Variants in EFHD2 observed in about 807,000 individuals in gnomAD.
EFHD2 encodes EF-hand domain-containing protein D2.
A neutral mutation model predicts 20.3 loss-of-function variants in EFHD2; 12 were observed. The ratio of observed to expected loss-of-function variants is 0.59; its 90% CI spans 0.38 to 0.96. The LOEUF (loss-of-function observed/expected upper bound fraction) is 0.96, where lower values mean the gene tolerates loss of function less well. EFHD2 is among the 40% of genes least tolerant of loss of function. The pLI is 0.00. For missense variants in EFHD2, 250 were observed against 334.3 expected (o/e 0.75, Z 1.97); for synonymous variants, 131 against 143.9 (o/e 0.91, Z 0.64).
chr1:15,418,410 A>C (rs1423898193), intron 1 of EFHD2, among the ~76,000 whole-genome samples: 26 of 139,448 alleles, frequency 1.9e-4, no homozygotes, highest in Non-Finnish European at 3.5e-4. Flanking sequence ...GGTTCACGCC[A>C]TTCTCCTGCC....
At chr1:15,411,481 T>A (rs535569621) in intron 1 of EFHD2, among the ~76,000 whole-genome samples, 40 of 152,276 alleles carry the variant, frequency 2.6e-4, no homozygotes, top group African/African-American at 9.1e-4. Flanking sequence ...GGGTCTAAGA[T>A]GCACAGCCAC....
Position 15,410,033 on chromosome 1 carries a change from G to A in EFHD2, c.62G>A (p.Gly21Asp). Residue 21 changes from glycine (G) to aspartate (D), a missense_variant, in exon 1 of 4, where the codon GGC becomes GAC. This residue lies in a region of EFHD2 where 143 missense variants were observed against 190.6 expected (regional missense o/e 0.75). Transcript: ENST00000375980. Reference protein sequence around the residue: ...SRRLQMEGEGGGETPEQPGLN... With the variant: ...SRRLQMEGEGDGETPEQPGLN... Reference sequence around the variant, plus strand: ...CGGCTGCAGATGGAGGGCGAGGGCGGCGGCGAGACCCCGGAGCAGCCCGGG... The same window carrying A: ...CGGCTGCAGATGGAGGGCGAGGGCGACGGCGAGACCCCGGAGCAGCCCGGG... The A allele has an allele frequency of 1.6e-6, 2 of 1,278,280 alleles. No homozygotes were observed. Among genetic ancestry groups the A allele is most frequent in the African/African-American group, 1.6e-5 (1 of 63,974 alleles). The allele number at this position is 1,278,280 out of a possible 1,614,324, so 79.2% of individuals were successfully genotyped here. A position where few individuals can be genotyped will look rare whatever the true frequency, so the allele number is the denominator to read the frequency against.
rs1707877613 is a variant in EFHD2 at position 15,426,769 on chromosome 1, C to T, written c.457-381C>T. Among the ~76,000 whole-genome samples the T allele has an allele frequency of 6.6e-6, 1 of 152,272 alleles. No individual in the cohort carries two copies. Among genetic ancestry groups the T allele is most frequent in the East Asian group, 1.9e-4 (1 of 5,176 alleles). ...GCGCTGAGACTTGGGGTGTCTTTTACTGTCATGGAGGCTCCCTCATTCTGT... is the reference window on the plus strand; with the variant it reads ...GCGCTGAGACTTGGGGTGTCTTTTATTGTCATGGAGGCTCCCTCATTCTGT... On this transcript the variant is annotated intron_variant, in intron 2 of 3. Transcript: ENST00000375980. The surrounding 1 kb of genome is among the most constrained non-coding windows in gnomAD (Gnocchi z 4.6).
chr1:15,414,588 A>G (rs1707618932), intron 1 of EFHD2, among the ~76,000 whole-genome samples: 1 of 152,210 alleles, frequency 6.6e-6, no homozygotes, highest in South Asian at 2.1e-4. Context: ...GGCCCCTCAT[A>G]GGGCCCTGGC....
At chr1:15,410,385 C>A in intron 1 of EFHD2, 106 bp downstream of exon 1, 2 of 1,356,654 alleles carry the variant, frequency 1.5e-6, no homozygotes, top group Non-Finnish European at 2.0e-6. Context: ...CTGCCGTCAG[C>A]CAAGCTTCCC....
chr1:15,415,419 A>G (rs914801533), intron 1 of EFHD2, among the ~76,000 whole-genome samples: 1 of 151,612 alleles, frequency 6.6e-6, no homozygotes, highest in Non-Finnish European at 1.5e-5. Flanking sequence ...GGAGGAGCCT[A>G]TGCATATTAT....
chr1:15,419,989 G>A (rs186379881), intron 1 of EFHD2, among the ~76,000 whole-genome samples: 3 of 152,158 alleles, frequency 2.0e-5, no homozygotes, highest in East Asian at 1.9e-4. Context: ...GCTTTGCGTC[G>A]GGCCTAGTAG....
In EFHD2 at chr1:15,428,948, C is replaced by CAGCCCCTTCCCAGGCTGGGAGA. The variant is rs1707919870; in HGVS notation, c.*224_*225insAGCCCCTTCCCAGGCTGGGAGA. On this transcript the variant is annotated 3_prime_UTR_variant, in exon 4 of 4. Coordinates refer to ENST00000375980, the MANE Select transcript of EFHD2 (RefSeq NM_024329.6). ...CGCCACACCGGCGCTGGCTCCCTGC[C>CAGCCCCTTCCCAGGCTGGGAGA]CGGCCCGGCCCTCCCTGGCAATCCC... 1 of 591,332 alleles carries CAGCCCCTTCCCAGGCTGGGAGA rather than the reference C, an allele frequency of 1.7e-6. No homozygotes were observed. The highest frequency in any genetic ancestry group is 1.9e-5 in the African/African-American group (1 of 52,986). 36.6% of individuals were successfully genotyped at this position (591,332 alleles called of 1,614,324 possible). A position where few individuals can be genotyped will look rare whatever the true frequency, so the allele number is the denominator to read the frequency against.
chr1:15,427,210 G>T lies in EFHD2; in HGVS notation c.517G>T (p.Val173Leu). The change falls in exon 3 of 4, where the codon GTG (valine) becomes TTG (leucine). Residue 173 changes from valine to leucine, a missense_variant. Coordinates refer to ENST00000375980, the MANE Select transcript of EFHD2 (RefSeq NM_024329.6). ...GCTTCAGGAGGACAGCGGGCTGTGC[G>T]TGCTGGCCCGCCTCTCTGAGATCGA... ...GELQEDSGLC[V>L]LARLSEIDVS... 3.1e-6 allele frequency: 5 copies of T among 1,600,972 alleles called. No homozygotes were observed. Among genetic ancestry groups the T allele is most frequent in the Admixed American group, 1.7e-5 (1 of 57,438 alleles).
At position 15,413,887 on chromosome 1, in the gene EFHD2, C is replaced by T. The variant is rs745332378; in HGVS notation, c.308+3608C>T. ...CCTCGCAGCCAGGACTCTCCATCCC[C>T]GTCTCCGTGCGGCCTCAGGCTACGT... is the stretch of plus-strand genomic sequence containing the variant. On this transcript the variant is annotated intron_variant, in intron 1 of 3. Transcript: ENST00000375980. This position sits in a 1 kb window ranked among gnomAD's most constrained non-coding sequence, Gnocchi z 4.4. Among the ~76,000 whole-genome samples the T allele has an allele frequency of 6.6e-6, 1 of 152,200 alleles. No individual in the cohort carries two copies. Among genetic ancestry groups the T allele is most frequent in the Non-Finnish European group, 1.5e-5 (1 of 68,038 alleles).
In EFHD2 at chr1:15,420,508, A is replaced by ATTAT. The variant is rs71572155; in HGVS notation, c.309-5340_309-5337dup. Reference sequence around the variant, plus strand: ...AGGCATACACCACCACGCCCAGCTAATTATTTATTTATTTATTTATTTATT... The same window carrying ATTAT: ...AGGCATACACCACCACGCCCAGCTAATTATTTATTTATTTATTTATTTATTTATT... On this transcript the variant is annotated intron_variant, in intron 1 of 3. Coordinates refer to ENST00000375980, the MANE Select transcript of EFHD2 (RefSeq NM_024329.6). Among the ~76,000 whole-genome samples, 1,031 of 151,236 alleles carry ATTAT rather than the reference A, an allele frequency of 6.8e-3. 10 individuals carry two copies. The highest frequency in any genetic ancestry group is 0.022 in the African/African-American group (916 of 40,880).
At chr1:15,427,609 C>A (rs996499214) in intron 3 of EFHD2, among the ~76,000 whole-genome samples, 1 of 152,216 alleles carries the variant, frequency 6.6e-6, no homozygotes, top group Admixed American at 6.5e-5. Flanking sequence ...CCCAGAAACA[C>A]AGCACTGGCT....
At chr1:15,418,414 T>G (rs531531276) in intron 1 of EFHD2, among the ~76,000 whole-genome samples, 1,965 of 148,260 alleles carry the variant, frequency 0.013, 54 homozygotes, top group African/African-American at 0.047. Flanking sequence ...CACGCCATTC[T>G]CCTGCCTCAG....
intron 1 of EFHD2, among the ~76,000 whole-genome samples, chr1:15,422,163 G>C (rs1707803134): frequency 7.0e-6 from 1 of 142,264 alleles, no homozygotes; most frequent in South Asian, 2.2e-4. Flanking sequence ...TGCCATCTCA[G>C]CTCATTGCAA....
At chr1:15,417,990 T>TTTC (rs1707708850) in intron 1 of EFHD2, among the ~76,000 whole-genome samples, 3 of 139,464 alleles carry the variant, frequency 2.2e-5, no homozygotes, top group African/African-American at 8.0e-5. Context: ...TCTTTTTTTT[T>TTTC]TTTTTTTTTT....
Position 15,409,987 on chromosome 1 carries a change from C to T in EFHD2, c.16C>T (p.Leu6=), listed in dbSNP as rs1043124854. The change falls in exon 1 of 4, where the codon CTG becomes TTG. Residue 6 remains leucine, a synonymous_variant. Coordinates refer to ENST00000375980, the MANE Select transcript of EFHD2 (RefSeq NM_024329.6). MATDE[L]ATKLSRRLQM... ...GCGGGCCACCATGGCCACGGACGAG[C>T]TGGCCACCAAGCTGAGCCGGCGGCT... is the stretch of plus-strand genomic sequence containing the variant. 8 of 1,248,256 alleles carry T rather than the reference C, an allele frequency of 6.4e-6. No homozygotes were observed. The highest frequency in any genetic ancestry group is 4.4e-5 in the Admixed American group (1 of 22,962). The allele number at this position is 1,248,256 out of a possible 1,614,324, so 77.3% of individuals were successfully genotyped here.
At chr1:15,421,699 A>AC (rs1707794213) in intron 1 of EFHD2, among the ~76,000 whole-genome samples, 1 of 152,120 alleles carries the variant, frequency 6.6e-6, no homozygotes, top group Non-Finnish European at 1.5e-5. Context: ...TGCAGAAGAA[A>AC]CCCATGCACT....
chr1:15,428,118 G>A (rs1707904649), intron 3 of EFHD2: 1 of 404,796 alleles, frequency 2.5e-6, no homozygotes, highest in Admixed American at 2.7e-5. Context: ...GCCTGACCCA[G>A]GGCCAGAGCT....
At chr1:15,419,394 G>T (rs563812445) in intron 1 of EFHD2, among the ~76,000 whole-genome samples, 2 of 152,372 alleles carry the variant, frequency 1.3e-5, no homozygotes, top group South Asian at 4.1e-4. Flanking sequence ...TGAGCTCCCA[G>T]GCTGGGCGCT....
Sources: allele counts gnomAD v4.1 joint callset (sites outside exome capture counted in the v4.1 genomes callset), GRCh38; gene constraint gnomAD v4.1.1; regional missense constraint gnomAD v4.1.1; non-coding constraint Gnocchi (gnomAD v3.1); transcripts MANE v1.5; gene names NCBI Gene and HGNC (gene_info 2026-07-23, HGNC 2026-07-21).